SOCS5: variants seen among roughly 807,000 people sequenced by gnomAD.
SOCS5 encodes CIS-6.
SOCS5 carries 32 observed loss-of-function variants against 42.8 expected under a neutral mutation model. The ratio of observed to expected loss-of-function variants is 0.75; its 90% CI spans 0.56 to 1.01. The LOEUF is 1.01. SOCS5 is among the 50% of genes least tolerant of loss of function. The pLI is 0.00. For missense variants in SOCS5, 627 were observed against 653.0 expected (o/e 0.96, Z 0.43); for synonymous variants, 283 against 229.6 (o/e 1.23, Z -2.10).
chr2:46,731,103 A>G (rs1403491952), intron 1 of SOCS5, among the ~76,000 whole-genome samples: 1 of 152,208 alleles, frequency 6.6e-6, no homozygotes, highest in East Asian at 1.9e-4. Context: ...GAGTATCAGT[A>G]CTAAGGTGGA....
In SOCS5 at chr2:46,719,073, A is replaced by G. The variant is rs186555888; in HGVS notation, c.-13+19624A>G. On this transcript the variant is annotated intron_variant, in intron 1 of 1. Transcript: ENST00000394861. Reference sequence around the variant, plus strand: ...CTATAGTTGTGTAACCAAATACCATAAAACTATTACAAATCATGTTCTTTA... The same window carrying G: ...CTATAGTTGTGTAACCAAATACCATGAAACTATTACAAATCATGTTCTTTA... Among the ~76,000 whole-genome samples the G allele has an allele frequency of 9.2e-5, 14 of 152,334 alleles. No homozygotes were observed. In the East Asian group the frequency reaches 2.7e-3, roughly 29 times the overall value.
At chr2:46,738,198 G>C (rs933704212) in intron 1 of SOCS5, among the ~76,000 whole-genome samples, 1 of 152,150 alleles carries the variant, frequency 6.6e-6, no homozygotes, top group Non-Finnish European at 1.5e-5. Context: ...GGCGCAAGAT[G>C]CTCAAACTGT....
chr2:46,707,583 A>G (rs943540637), intron 1 of SOCS5, among the ~76,000 whole-genome samples: 2 of 152,212 alleles, frequency 1.3e-5, no homozygotes, highest in Admixed American at 1.3e-4. Flanking sequence ...GCAGGAGGGG[A>G]ACAAATTGTG....
chr2:46,744,133 G>A (rs932084533), intron 1 of SOCS5, among the ~76,000 whole-genome samples: 3 of 151,986 alleles, frequency 2.0e-5, no homozygotes, highest in African/African-American at 7.3e-5. Context: ...GGGATTACAG[G>A]CATGTACCAC....
chr2:46,746,922 CTTTTTTTTTTT>C (rs11373537), intron 1 of SOCS5, among the ~76,000 whole-genome samples: 2 of 70,792 alleles, frequency 2.8e-5, no homozygotes, highest in Non-Finnish European at 5.7e-5. Context: ...GACTTTATTT[CTTTTTTTTTTT>C]TTTTTTTTTT....
At chr2:46,710,321 A>G (rs887759450) in intron 1 of SOCS5, among the ~76,000 whole-genome samples, 1 of 151,882 alleles carries the variant, frequency 6.6e-6, no homozygotes, top group Non-Finnish European at 1.5e-5. Flanking sequence ...TAATTTTTGT[A>G]TTTTTAGTAG....
chr2:46,742,770 A>T (rs1291670936), intron 1 of SOCS5, among the ~76,000 whole-genome samples: 1 of 151,962 alleles, frequency 6.6e-6, no homozygotes. Flanking sequence ...GGTTTAAGCG[A>T]TCCTTCTGCC....
intron 1 of SOCS5, among the ~76,000 whole-genome samples, chr2:46,718,003 C>T (rs1009289411): frequency 1.3e-5 from 2 of 152,188 alleles, no homozygotes; most frequent in Admixed American, 1.3e-4. Context: ...CTCCACAGCT[C>T]CCTTCTTCTA....
chr2:46,724,032 T>C (rs1199628715), intron 1 of SOCS5, among the ~76,000 whole-genome samples: 2 of 152,090 alleles, frequency 1.3e-5, no homozygotes, highest in Non-Finnish European at 2.9e-5. Context: ...GATTGGTTTT[T>C]AAAATTTTTA....
chr2:46,701,694 C>T (rs963790947), intron 1 of SOCS5, among the ~76,000 whole-genome samples: 5 of 150,188 alleles, frequency 3.3e-5, no homozygotes, highest in African/African-American at 1.2e-4. Flanking sequence ...AAGTTTAAAA[C>T]AATATGCTGC....
rs138131726 is a variant in SOCS5, at chr2:46,759,063, G to C, written c.533G>C (p.Arg178Thr). ...SSRTVGSRSL[R>T]QRLQDTVGLC... ...AGAACTGTAGGAAGTCGCTCTCTAA[G>C]ACAGAGGTTGCAGGATACTGTGGGC... Residue 178 changes from arginine to threonine, a missense_variant, in exon 2 of 2, where the codon AGA becomes ACA. Physicochemically the swap from Arg to Thr is moderately conservative, Grantham distance 71. Coordinates refer to ENST00000394861, the MANE Select transcript of SOCS5 (RefSeq NM_144949.3). 803 of 1,613,996 alleles carry C rather than the reference G, an allele frequency of 5.0e-4. 2 individuals carry two copies. Among genetic ancestry groups the C allele is most frequent in the Middle Eastern group, 1.3e-3 (8 of 6,056 alleles).
chr2:46,758,760 G>A lies in SOCS5; in HGVS notation c.230G>A (p.Arg77Lys). The change falls in exon 2 of 2, where the codon AGG (arginine) becomes AAG (lysine). Residue 77 changes from arginine to lysine, a missense_variant. Around this residue, in one of 3 missense-constraint regions of SOCS5, gnomAD observed 278 missense variants for 246.3 expected, o/e 1.13. Transcript: ENST00000394861. ...LGLSPSKNSS[R>K]RNQNCATEIP... The stretch of plus-strand genomic sequence containing the variant: ...TTAAGCCCTTCGAAGAATTCTTCAA[G>A]GAGAAATCAAAATTGTGCCACAGAA... 6.2e-7 allele frequency: 1 copy of A among 1,614,134 alleles called. No homozygotes were observed. The highest frequency in any genetic ancestry group is 8.5e-7 in the Non-Finnish European group (1 of 1,180,002).
chr2:46,711,596 T>C (rs1672624097), intron 1 of SOCS5, among the ~76,000 whole-genome samples: 1 of 152,352 alleles, frequency 6.6e-6, no homozygotes, highest in East Asian at 1.9e-4. Context: ...GTGGCATCTT[T>C]CGATGAACAA....
chr2:46,739,815 A>G (rs1275347609), intron 1 of SOCS5, among the ~76,000 whole-genome samples: 2 of 152,188 alleles, frequency 1.3e-5, no homozygotes. Context: ...ATTCGTGTGT[A>G]TATTTTTATT....
intron 1 of SOCS5, among the ~76,000 whole-genome samples, chr2:46,726,162 T>G (rs540832595): frequency 6.6e-6 from 1 of 152,278 alleles, no homozygotes; most frequent in South Asian, 2.1e-4. Context: ...AGTGGTGCAA[T>G]CTCAGCTCAC....
chr2:46,734,669 T>C (rs537843484), intron 1 of SOCS5, among the ~76,000 whole-genome samples: 1 of 152,282 alleles, frequency 6.6e-6, no homozygotes, highest in Non-Finnish European at 1.5e-5. Context: ...CTTACAGAAA[T>C]AAGATTTTTT....
rs181968692 is a variant in SOCS5 at position 46,739,235 on chromosome 2, T to C, written c.-12-19284T>C. ...AAAACTTGGCAGAAGACTATATCCA[T>C]TGTTATTGGATTGTAAATTGTCATA... On this transcript the variant is annotated intron_variant, in intron 1 of 1. Transcript: ENST00000394861. Among the ~76,000 whole-genome samples the C allele has an allele frequency of 4.1e-4, 63 of 152,288 alleles. No individual in the cohort carries two copies. In the East Asian group the frequency reaches 8.9e-3, roughly 21 times the overall value.
chr2:46,729,338 A>G (rs1673063194), intron 1 of SOCS5, among the ~76,000 whole-genome samples: 2 of 149,074 alleles, frequency 1.3e-5, no homozygotes, highest in African/African-American at 2.4e-5. Context: ...AAAAGTAGCC[A>G]TAGTTGCTTA....
chr2:46,733,825 T>G (rs1673181773), intron 1 of SOCS5, among the ~76,000 whole-genome samples: 1 of 152,184 alleles, frequency 6.6e-6, no homozygotes, highest in South Asian at 2.1e-4. Context: ...AGAAAACTCA[T>G]AATCTGGTTG....
Sources: allele counts gnomAD v4.1 joint callset (sites outside exome capture counted in the v4.1 genomes callset), GRCh38; gene constraint gnomAD v4.1.1; regional missense constraint gnomAD v4.1.1; transcripts MANE v1.5; gene names NCBI Gene and HGNC (gene_info 2026-07-23, HGNC 2026-07-21).